The following ZFYVE28 variants were observed in gnomAD, a reference collection of about 807,000 sequenced individuals.
ZFYVE28 encodes the protein zinc finger FYVE-type containing 28, also known as lateral signaling target protein 2 homolog.
A neutral mutation model predicts 82.1 loss-of-function variants in ZFYVE28; 40 were observed. The observed-to-expected ratio is 0.49, with a 90% confidence interval of 0.38 to 0.63. The LOEUF is 0.63. Among genes scored for constraint, ZFYVE28 ranks in the 30% least tolerant of loss-of-function variants. The pLI, the probability that ZFYVE28 is intolerant of heterozygous loss-of-function variation, is 0.00. For missense variants in ZFYVE28, 1,321 were observed against 1,242.1 expected (o/e 1.06, Z -0.96); for synonymous variants, 612 against 546.1 (o/e 1.12, Z -1.68).
intron 2 of ZFYVE28, chr4:2,342,539 G>A (rs1192620629): frequency 6.6e-6 from 1 of 152,194 alleles, no homozygotes; most frequent in Non-Finnish European, 1.5e-5. Flanking sequence ...GATTACCAGA[G>A]TGAGCCAGCA....
At chr4:2,314,745 T>G (rs767459720) in intron 7 of ZFYVE28, among the ~76,000 whole-genome samples, 2 of 152,310 alleles carry the variant, frequency 1.3e-5, no homozygotes, top group Non-Finnish European at 2.9e-5. Flanking sequence ...CAGTTAATAT[T>G]CACTTATGTT....
At chr4:2,312,879 T>C (rs1003052518) in intron 7 of ZFYVE28, among the ~76,000 whole-genome samples, 8 of 151,994 alleles carry the variant, frequency 5.3e-5, no homozygotes, top group African/African-American at 1.9e-4. Flanking sequence ...ACCCCGTTTC[T>C]ACTAAAGATA....
intron 7 of ZFYVE28, among the ~76,000 whole-genome samples, chr4:2,308,697 G>GA (rs781493887): frequency 8.0e-6 from 1 of 124,252 alleles, no homozygotes; most frequent in African/African-American, 3.4e-5. Flanking sequence ...GAAAAGAAAA[G>GA]AAAAGAAAAA....
intron 4 of ZFYVE28, 60 bp from the exon 5 acceptor site, chr4:2,337,556 CAG>C: frequency 1.5e-6 from 2 of 1,375,564 alleles, no homozygotes; most frequent in Non-Finnish European, 2.0e-6. Flanking sequence ...CCCTCCAAAA[CAG>C]AGTGGGGGGC....
chr4:2,377,212 A>G lies in ZFYVE28; in HGVS notation c.40-23139T>C, dbSNP rs373920387. Among the ~76,000 whole-genome samples, 659 of 151,850 alleles carry G rather than the reference A, an allele frequency of 4.3e-3. 6 individuals are homozygous for G. Among genetic ancestry groups the G allele is most frequent in the African/African-American group, 0.014 (598 of 41,376 alleles). ...AATTTTTTGTATTTTTAGTACAGAC[A>G]GGGTTTTGCCGTGTTAGCCAGGATG... On this transcript the variant is annotated intron_variant, in intron 1 of 12. Coordinates refer to ENST00000290974, the MANE Select transcript of ZFYVE28 (RefSeq NM_020972.3).
chr4:2,273,332 G>C (rs780922943), intron 9 of ZFYVE28, 43 bp from the exon 10 acceptor site: 2 of 1,560,334 alleles, frequency 1.3e-6, no homozygotes, highest in Non-Finnish European at 1.7e-6. Context: ...AAGGACGGAT[G>C]GAAGGAACTG....
At position 2,270,392 on chromosome 4, in the gene ZFYVE28, C is replaced by T. The variant is rs1471622053; in HGVS notation, c.*333G>A. On this transcript the variant is annotated 3_prime_UTR_variant, in exon 13 of 13. Transcript: ENST00000290974. ...CCCACTCTTGTCCACCTCCATCACCCGCCCCGATTCCCATAGCCCCAGCAG... is the reference window on the plus strand; with the variant it reads ...CCCACTCTTGTCCACCTCCATCACCTGCCCCGATTCCCATAGCCCCAGCAG... The T allele has an allele frequency of 1.7e-5, 6 of 354,308 alleles. No homozygotes were observed. Among genetic ancestry groups the T allele is most frequent in the Admixed American group, 4.3e-5 (1 of 23,488 alleles). 21.9% of individuals were successfully genotyped at this position (354,308 alleles called of 1,614,324 possible). A position where few individuals can be genotyped will look rare whatever the true frequency, so the allele number is the denominator to read the frequency against.
At chr4:2,395,672 C>T (rs1730359049) in intron 1 of ZFYVE28, among the ~76,000 whole-genome samples, 2 of 152,204 alleles carry the variant, frequency 1.3e-5, no homozygotes, top group African/African-American at 4.8e-5. Context: ...AGATTCCTTC[C>T]CCACTCCCAG....
At chr4:2,326,646 A>G (rs1226967191) in intron 6 of ZFYVE28, among the ~76,000 whole-genome samples, 1 of 152,200 alleles carries the variant, frequency 6.6e-6, no homozygotes, top group Admixed American at 6.5e-5. Flanking sequence ...TGGACATTTT[A>G]ACAATATTAA....
intron 1 of ZFYVE28, among the ~76,000 whole-genome samples, chr4:2,414,011 G>T (rs924777923): frequency 6.6e-6 from 1 of 152,206 alleles, no homozygotes; most frequent in Non-Finnish European, 1.5e-5. Flanking sequence ...TCTGCACTTC[G>T]GGACCAAACA....
intron 2 of ZFYVE28, among the ~76,000 whole-genome samples, chr4:2,342,067 C>T (rs1477747396): frequency 6.6e-6 from 1 of 152,216 alleles, no homozygotes; most frequent in Non-Finnish European, 1.5e-5. Context: ...ACCTGCAAAG[C>T]CCTCGTCTTC....
At chr4:2,378,332 C>T (rs12509503) in intron 1 of ZFYVE28, among the ~76,000 whole-genome samples, 48,254 of 152,110 alleles carry the variant, frequency 0.32, 8,585 homozygotes, top group East Asian at 0.46. Flanking sequence ...CGGAGCAAGA[C>T]CCTGTCTCAA....
chr4:2,399,079 CG>C (rs59564943), intron 1 of ZFYVE28, among the ~76,000 whole-genome samples: 14,022 of 71,606 alleles, frequency 0.2, 1,605 homozygotes, highest in African/African-American at 0.34. Flanking sequence ...AGGGCACAAG[CG>C]TGAAGGTGAG....
In ZFYVE28 at chr4:2,339,981, C is replaced by T. The variant is rs1722525583; in HGVS notation, c.319-326G>A. Among the ~76,000 whole-genome samples the T allele has an allele frequency of 6.6e-6, 1 of 151,638 alleles. No homozygotes were observed. Among genetic ancestry groups the T allele is most frequent in the Non-Finnish European group, 1.5e-5 (1 of 67,844 alleles). ...GGAAGGTGGACTGAGGCCCTTGGGT[C>T]TGGGGGCTCCCTGCAGGAGGAACCC... On this transcript the variant is annotated intron_variant, in intron 3 of 12. Transcript: ENST00000290974. This position sits in a 1 kb window ranked among gnomAD's most constrained non-coding sequence, Gnocchi z 5.0.
chr4:2,361,456 C>T lies in ZFYVE28; in HGVS notation c.40-7383G>A, dbSNP rs78940426. ...GTGTGAGCTCAGCCCGTCTGACCCA[C>T]GTGTGATGACCCTGCAGTGTTTCCC... On this transcript the variant is annotated intron_variant, in intron 1 of 12. Coordinates refer to ENST00000290974, the MANE Select transcript of ZFYVE28 (RefSeq NM_020972.3). Among the ~76,000 whole-genome samples, 1,518 of 152,274 alleles carry T rather than the reference C, an allele frequency of 1.0e-2. 24 individuals carry two copies. Among genetic ancestry groups the T allele is most frequent in the African/African-American group, 0.031 (1,288 of 41,546 alleles).
chr4:2,352,543 C>G lies in ZFYVE28; in HGVS notation c.180+1390G>C, dbSNP rs189654452. Among the ~76,000 whole-genome samples, 182 of 151,962 alleles carry G rather than the reference C, an allele frequency of 1.2e-3. 2 individuals are homozygous for G. The highest frequency in any genetic ancestry group is 4.2e-3 in the African/African-American group (175 of 41,412). On this transcript the variant is annotated intron_variant, in intron 2 of 12. Transcript: ENST00000290974. ...CCCGAATCAGATGATGCTGAGGGAC[C>G]TGGACAGTGTCCACACCCTCTCAGT...
chr4:2,271,910 A>C, intron 10 of ZFYVE28, 131 bp from the exon 11 acceptor site: 41 of 781,384 alleles, frequency 5.2e-5, no homozygotes, highest in Non-Finnish European at 7.7e-5. Flanking sequence ...TGGCAGTCTC[A>C]TGGCAGGTGG....
At chr4:2,308,681 A>AAG (rs1315645584) in intron 7 of ZFYVE28, among the ~76,000 whole-genome samples, 1 of 59,896 alleles carries the variant, frequency 1.7e-5, no homozygotes, top group African/African-American at 7.4e-5. Flanking sequence ...AAGAAAGAGA[A>AAG]AGAAAGAAAA....
intron 6 of ZFYVE28, among the ~76,000 whole-genome samples, chr4:2,321,525 A>G (rs2108838637): frequency 6.6e-6 from 1 of 152,104 alleles, no homozygotes; most frequent in East Asian, 1.9e-4. Flanking sequence ...AGGGGACAGC[A>G]CAACCAGCCT....
Sources: gnomAD v4.1 joint callset for allele counts (sites outside exome capture counted in the v4.1 genomes callset) on GRCh38, gnomAD v4.1.1 for gene constraint, Gnocchi (gnomAD v3.1) non-coding constraint, MANE v1.5 for transcripts, NCBI Gene and HGNC (gene_info 2026-07-23, HGNC 2026-07-21) for gene names.